The following PTER variants were observed in gnomAD, a reference collection of about 807,000 sequenced individuals.
PTER encodes the protein phosphotriesterase related.
Under a neutral mutation model 29.6 loss-of-function variants are expected in PTER, and 38 were observed. The observed-to-expected ratio is 1.28, with a 90% CI of 0.99 to 1.68. The LOEUF is 1.68. Among genes scored for constraint, PTER ranks in the 40% most tolerant of loss-of-function variants. The probability of loss-of-function intolerance (pLI) is 0.00; values close to 1 mark genes in which losing one functional copy is unlikely to be tolerated. For synonymous variants in PTER, 172 were observed against 154.5 expected (o/e 1.11, Z -0.84); for missense variants, 482 against 427.8 (o/e 1.13, Z -1.12).
chr10:16,515,899 G>A (rs775216156), downstream of PTER, among the ~76,000 whole-genome samples: 3 of 152,064 alleles, frequency 2.0e-5, no homozygotes, highest in Non-Finnish European at 4.4e-5. Flanking sequence ...ATGATTTGGG[G>A]TACAATATGC....
intron 1 of PTER, among the ~76,000 whole-genome samples, chr10:16,454,518 A>G (rs774398692): frequency 1.4e-4 from 21 of 151,784 alleles, no homozygotes; most frequent in Admixed American, 3.3e-4. Flanking sequence ...AGAGGTTGCA[A>G]TGAGCCAAGA....
chr10:16,457,352 A>G (rs569557850), intron 1 of PTER, among the ~76,000 whole-genome samples: 53 of 152,040 alleles, frequency 3.5e-4, no homozygotes, highest in African/African-American at 1.3e-3. Flanking sequence ...AGCTGGGACT[A>G]CAGGCGCCCG....
chr10:16,472,838 G>C (rs1314090900), intron 1 of PTER, among the ~76,000 whole-genome samples: 1 of 152,186 alleles, frequency 6.6e-6, no homozygotes, highest in African/African-American at 2.4e-5. Flanking sequence ...GGTTTAGTTT[G>C]TAGAAGTGAG....
chr10:16,476,669 T>C (rs749352503), intron 1 of PTER, among the ~76,000 whole-genome samples: 1 of 150,676 alleles, frequency 6.6e-6, no homozygotes, highest in Non-Finnish European at 1.5e-5. Context: ...CCTCGCAGGT[T>C]CAAGTGATCC....
chr10:16,468,640 C>G (rs1008026015), intron 1 of PTER, among the ~76,000 whole-genome samples: 9 of 152,056 alleles, frequency 5.9e-5, no homozygotes, highest in African/African-American at 2.2e-4. Flanking sequence ...AAAGATGTGA[C>G]TCACCGCAAC....
intron 1 of PTER, among the ~76,000 whole-genome samples, chr10:16,469,980 A>G (rs1834987515): frequency 6.6e-6 from 1 of 151,950 alleles, no homozygotes; most frequent in South Asian, 2.1e-4. Context: ...ATGTCATGTA[A>G]ATTACCGAGT....
At chr10:16,451,022 G>T (rs997566089) in intron 1 of PTER, among the ~76,000 whole-genome samples, 3 of 152,048 alleles carry the variant, frequency 2.0e-5, no homozygotes, top group Non-Finnish European at 4.4e-5. Flanking sequence ...ACCCCAAAAC[G>T]CACTAAAGAA....
At position 16,493,371 on chromosome 10, in the gene PTER, G is replaced by A. The variant is rs567165861; in HGVS notation, c.698+6754G>A. Among the ~76,000 whole-genome samples, 235 of 152,186 alleles carry A rather than the reference G, an allele frequency of 1.5e-3. No homozygotes were observed. The Middle Eastern group carries it at 0.024, about 15-fold the overall frequency. On this transcript the variant is annotated intron_variant, in intron 3 of 4. Coordinates refer to ENST00000535784, the MANE Select transcript of PTER (RefSeq NM_001261836.2). ...GAATGCTATGTGCATGTATTTGTTT[G>A]TAACATCTAGAATCCTATGAATATG... is the stretch of plus-strand genomic sequence containing the variant.
chr10:16,453,950 T>C (rs1274050580), intron 1 of PTER, among the ~76,000 whole-genome samples: 1 of 152,180 alleles, frequency 6.6e-6, no homozygotes, highest in South Asian at 2.1e-4. Context: ...ATGAGAAAAC[T>C]GAGGTCCTCA....
At chr10:16,518,901 G>T in the PTER span, among the ~76,000 whole-genome samples, 9 of 152,070 alleles carry the variant, frequency 5.9e-5, no homozygotes, top group African/African-American at 2.2e-4. Context: ...TTCTGGTACA[G>T]TGAGTCCTGC....
chr10:16,447,645 C>T (rs1026824944), intron 1 of PTER, among the ~76,000 whole-genome samples: 7 of 152,140 alleles, frequency 4.6e-5, no homozygotes, highest in African/African-American at 9.7e-5. Context: ...TATAAATATG[C>T]GAAAGCTTTG....
rs1309288931 is a variant in PTER at position 16,463,410 on chromosome 10, C to CT, written c.-48-20919dup. Among the ~76,000 whole-genome samples, 25 of 151,754 alleles carry CT rather than the reference C, an allele frequency of 1.6e-4. No individual in the cohort carries two copies. In the East Asian group the frequency reaches 3.1e-3, roughly 19 times the overall value. ...ATAAGAAACAGGTGATGCATATTTT[C>CT]TTTTTTTTGTTGTTTTTTGAGACCA... On this transcript the variant is annotated intron_variant, in intron 1 of 4. Coordinates refer to ENST00000535784, the MANE Select transcript of PTER (RefSeq NM_001261836.2).
chr10:16,505,996 T>G (rs12572242), intron 4 of PTER, among the ~76,000 whole-genome samples: 82,383 of 151,430 alleles, frequency 0.54, 23,110 homozygotes, highest in East Asian at 0.83. Flanking sequence ...AGGAACCGTT[T>G]CTCAAGGAAA....
At chr10:16,493,424 C>A (rs1228168232) in intron 3 of PTER, among the ~76,000 whole-genome samples, 2 of 151,008 alleles carry the variant, frequency 1.3e-5, no homozygotes, top group African/African-American at 4.9e-5. Context: ...TTCTTAAAAA[C>A]AATTTTTTTT....
chr10:16,473,019 CAA>C (rs375172424), intron 1 of PTER, among the ~76,000 whole-genome samples: 36 of 134,842 alleles, frequency 2.7e-4, no homozygotes, highest in Admixed American at 2.3e-4. Flanking sequence ...AAACTTCAAC[CAA>C]AAAAAAAAAA....
At chr10:16,509,293 C>CATAG (rs144226539) in intron 4 of PTER, among the ~76,000 whole-genome samples, 2 of 151,980 alleles carry the variant, frequency 1.3e-5, no homozygotes, top group Non-Finnish European at 2.9e-5. Flanking sequence ...TTATCTTTCT[C>CATAG]ATAAGTAGTC....
chr10:16,498,325 A>C (rs1372441449), intron 3 of PTER, among the ~76,000 whole-genome samples: 5 of 152,228 alleles, frequency 3.3e-5, no homozygotes. Context: ...TAATCCCAGC[A>C]CTTTGGGAGG....
At chr10:16,454,378 C>T (rs1018379504) in intron 1 of PTER, among the ~76,000 whole-genome samples, 1 of 152,070 alleles carries the variant, frequency 6.6e-6, no homozygotes. Flanking sequence ...AGTTCAAGAC[C>T]AGCCTGGGCA....
chr10:16,510,964 G>C, intron 4 of PTER, 82 bp from the exon 5 acceptor site: 1 of 1,158,132 alleles, frequency 8.6e-7, no homozygotes, highest in African/African-American at 1.5e-5. Flanking sequence ...AGCACAATAG[G>C]TTAATGAGTA....
Sources: allele counts gnomAD v4.1 joint callset (sites outside exome capture counted in the v4.1 genomes callset), GRCh38; gene constraint gnomAD v4.1.1; transcripts MANE v1.5; gene names NCBI Gene and HGNC (gene_info 2026-07-23, HGNC 2026-07-21).